Variants in ZNF667 observed in about 807,000 individuals in gnomAD.
ZNF667 encodes myocardial ischemic preconditioning upregulated 1 ortholog.
Under a neutral mutation model 31.8 loss-of-function variants are expected in ZNF667, and 13 were observed. The observed-to-expected ratio is 0.41, with a 90% CI of 0.27 to 0.65. The LOEUF is 0.65. ZNF667 is among the 30% of genes least tolerant of loss of function. The probability of loss-of-function intolerance (pLI) is 0.32; values close to 1 mark genes in which losing one functional copy is unlikely to be tolerated. For missense variants in ZNF667, 642 were observed against 725.6 expected, an observed-to-expected ratio of 0.88 and a Z score of 1.32; for synonymous variants, 228 against 247.1, an observed-to-expected ratio of 0.92 and a Z score of 0.73.
intron 3 of ZNF667, chr19:56,469,989 G>A: frequency 2.1e-6 from 1 of 471,076 alleles, no homozygotes; most frequent in Non-Finnish European, 4.3e-6. Flanking sequence ...ATTCCATTGT[G>A]AGCACATTTG....
Position 56,440,489 on chromosome 19 carries a change from T to G in ZNF667, c.*673A>C. On this transcript the variant is annotated 3_prime_UTR_variant, in exon 7 of 7. Transcript: ENST00000504904. ...GTTTTGCCGAGAAGTTCCTTATATT[T>G]GATAATTCTAGATCTGAGAAACAGA... 1.4e-6 allele frequency: 1 copy of G among 719,242 alleles called. No individual in the cohort carries two copies. The highest frequency in any genetic ancestry group is 1.7e-6 in the Non-Finnish European group (1 of 586,986). The allele number at this position is 719,242 out of a possible 1,614,324, so 44.6% of individuals were successfully genotyped here.
rs149224710 is a variant in ZNF667 at position 56,441,314 on chromosome 19, C to G, written c.1681G>C (p.Gly561Arg). Residue 561 changes from glycine (G) to arginine (R), a missense_variant, in exon 7 of 7, where the codon GGG (glycine) becomes CGG (arginine). Gly to Arg is a moderately radical substitution (Grantham distance 125). Coordinates refer to ENST00000504904, the MANE Select transcript of ZNF667 (RefSeq NM_001321356.2). The surrounding 1 kb of genome is among the most constrained non-coding windows in gnomAD (Gnocchi z 4.2). ...GEKPYECNEC[G>R]KAFSSGSDLI... is the part of the protein sequence containing the mutation. ...TCTGAGCCACTGCTAAATGCCTTCC[C>G]ACATTCATTACATTCATAGGGTTTC... The G allele has an allele frequency of 6.2e-7, 1 of 1,614,072 alleles. No homozygotes were observed. Among genetic ancestry groups the G allele is most frequent in the African/African-American group, 1.3e-5 (1 of 74,924 alleles).
In ZNF667 at chr19:56,447,483, G is replaced by C. The variant is rs75275645; in HGVS notation, c.254-4742C>G. On this transcript the variant is annotated intron_variant, in intron 6 of 6. Coordinates refer to ENST00000504904, the MANE Select transcript of ZNF667 (RefSeq NM_001321356.2). ...CAAGAAACAAACTGGTACTTGGGAG[G>C]CTGAGGCAGGAGGACTGCTTGAGCC... Among the ~76,000 whole-genome samples, 646 of 152,262 alleles carry C rather than the reference G, an allele frequency of 4.2e-3. 6 individuals are homozygous for C. Among genetic ancestry groups the C allele is most frequent in the Admixed American group, 0.025 (387 of 15,286 alleles).
intron 3 of ZNF667, among the ~76,000 whole-genome samples, chr19:56,469,691 A>AT (rs911191419): frequency 6.6e-6 from 1 of 151,906 alleles, no homozygotes; most frequent in African/African-American, 2.4e-5. Flanking sequence ...TGGTTCAGAT[A>AT]TTTTTTTTCA....
In ZNF667 at chr19:56,460,742, T is replaced by C; in HGVS notation, c.107A>G (p.Lys36Arg). The change falls in exon 5 of 7, where the codon AAG (lysine) becomes AGG (arginine). Residue 36 changes from lysine to arginine, a missense_variant. Coordinates refer to ENST00000504904, the MANE Select transcript of ZNF667 (RefSeq NM_001321356.2). ...CAACATGACATCTTCATACAAATCC[T>C]TCTGAATGGGGCTCAGCCATTCCCA... is the stretch of plus-strand genomic sequence containing the variant. ...EEWEWLSPIQ[K>R]DLYEDVMLEN... 1 of 1,612,994 alleles carries C rather than the reference T, an allele frequency of 6.2e-7. No individual in the cohort carries two copies. The highest frequency in any genetic ancestry group is 8.5e-7 in the Non-Finnish European group (1 of 1,179,614).
chr19:56,454,329 T>C (rs2042891380), intron 6 of ZNF667, among the ~76,000 whole-genome samples: 1 of 151,982 alleles, frequency 6.6e-6, no homozygotes, highest in Non-Finnish European at 1.5e-5. Flanking sequence ...GAAAAGGTAA[T>C]CCTAAAATTT....
In ZNF667 at chr19:56,462,384, T is replaced by C; in HGVS notation, c.-14A>G. 1.2e-6 allele frequency: 2 copies of C among 1,614,110 alleles called. No individual in the cohort carries two copies. Among genetic ancestry groups the C allele is most frequent in the Non-Finnish European group, 1.7e-6 (2 of 1,179,994 alleles). On this transcript the variant is annotated 5_prime_UTR_variant, in exon 4 of 7. Transcript: ENST00000504904. ...TGCAGAAGGCATCCTTTCCTCCCCC[T>C]TTAGGGTCCACACTGAGAGATGGGC...
At chr19:56,459,642 T>A (rs2043003209) in intron 5 of ZNF667, among the ~76,000 whole-genome samples, 1 of 152,200 alleles carries the variant, frequency 6.6e-6, no homozygotes, top group Non-Finnish European at 1.5e-5. Flanking sequence ...GTCTCTGTGT[T>A]ACATCAATGT....
Position 56,441,532 on chromosome 19 carries a change from C to T in ZNF667, c.1463G>A (p.Arg488Gln), listed in dbSNP as rs762059650. The T allele has an allele frequency of 1.2e-5, 20 of 1,614,008 alleles. No homozygotes were observed. In the East Asian group the frequency reaches 1.8e-4, roughly 14 times the overall value. The part of the protein sequence containing the change: ...KAFSHRISLT[R>Q]HKRIHTEDRP... Reference sequence around the variant, plus strand: ...ATCTTCAGTATGAATTCTCTTATGTCGTGTGAGAGATATTCGGTGGCTGAA... The same window carrying T: ...ATCTTCAGTATGAATTCTCTTATGTTGTGTGAGAGATATTCGGTGGCTGAA... The change falls in exon 7 of 7, where the codon CGA becomes CAA. Residue 488 changes from arginine (R) to glutamine (Q), a missense_variant. By Grantham distance (43) the Arg-to-Gln change is conservative. Coordinates refer to ENST00000504904, the MANE Select transcript of ZNF667 (RefSeq NM_001321356.2). The surrounding 1 kb of genome is among the most constrained non-coding windows in gnomAD (Gnocchi z 4.2).
chr19:56,469,192 G>T (rs774820056), intron 3 of ZNF667, among the ~76,000 whole-genome samples: 7 of 152,174 alleles, frequency 4.6e-5, no homozygotes, highest in Non-Finnish European at 1.0e-4. Flanking sequence ...AGGCAGAAAG[G>T]AGCGCTGAAA....
At chr19:56,457,194 A>C (rs1416435381) in intron 6 of ZNF667, among the ~76,000 whole-genome samples, 1 of 152,248 alleles carries the variant, frequency 6.6e-6, no homozygotes, top group Admixed American at 6.5e-5. Flanking sequence ...CTTGAAAAGT[A>C]GCTGAAAAGA....
intron 6 of ZNF667, among the ~76,000 whole-genome samples, chr19:56,448,085 G>T (rs1035011944): frequency 2.6e-5 from 4 of 152,114 alleles, no homozygotes; most frequent in African/African-American, 9.7e-5. Context: ...ACTGAGGAGG[G>T]TAGAAAAGAC....
chr19:56,456,176 G>A (rs1600425824), intron 6 of ZNF667, among the ~76,000 whole-genome samples: 1 of 152,088 alleles, frequency 6.6e-6, no homozygotes, highest in Non-Finnish European at 1.5e-5. Context: ...ACTAAATAAA[G>A]AGAGACATTT....
intron 6 of ZNF667, among the ~76,000 whole-genome samples, chr19:56,455,469 C>T (rs551506593): frequency 6.6e-6 from 1 of 152,236 alleles, no homozygotes; most frequent in South Asian, 2.1e-4. Context: ...CTGTAATCTG[C>T]AACAACATGG....
chr19:56,470,280 G>A, intron 3 of ZNF667, among the ~76,000 whole-genome samples: 1 of 152,228 alleles, frequency 6.6e-6, no homozygotes, highest in East Asian at 1.9e-4. Context: ...AGGTCGCATT[G>A]ACCGTCCTTA....
intron 3 of ZNF667, among the ~76,000 whole-genome samples, chr19:56,470,379 T>C (rs2043266284): frequency 2.0e-5 from 3 of 152,216 alleles, no homozygotes; most frequent in African/African-American, 7.2e-5. Flanking sequence ...TTAATGACGA[T>C]GAGAATGAAA....
chr19:56,464,418 T>G (rs1568450719), intron 3 of ZNF667, among the ~76,000 whole-genome samples: 1 of 152,154 alleles, frequency 6.6e-6, no homozygotes, highest in Non-Finnish European at 1.5e-5. Context: ...TGCTTGAGCC[T>G]GGGAGGCAGA....
chr19:56,456,167 CTAAA>C (rs1365501212), intron 6 of ZNF667, among the ~76,000 whole-genome samples: 5 of 152,126 alleles, frequency 3.3e-5, no homozygotes, highest in Non-Finnish European at 4.4e-5. Context: ...ATTCATTTTA[CTAAA>C]TAAAGAGAGA....
chr19:56,455,896 C>T (rs1280905574), intron 6 of ZNF667, among the ~76,000 whole-genome samples: 1 of 152,134 alleles, frequency 6.6e-6, no homozygotes, highest in Non-Finnish European at 1.5e-5. Context: ...TTAATATATA[C>T]ACCTCTATAT....
Sources: gnomAD v4.1 joint callset for allele counts (sites outside exome capture counted in the v4.1 genomes callset) on GRCh38, gnomAD v4.1.1 for gene constraint, Gnocchi (gnomAD v3.1) non-coding constraint, MANE v1.5 for transcripts, NCBI Gene and HGNC (gene_info 2026-07-23, HGNC 2026-07-21) for gene names.